ZNF57: variants seen among roughly 807,000 people sequenced by gnomAD.
ZNF57 encodes the protein zinc finger protein 424.
In ZNF57, 11 loss-of-function variants were observed where a neutral mutation model predicts 13.4. The ratio of observed to expected loss-of-function variants is 0.82; its 90% CI spans 0.52 to 1.36. The LOEUF is 1.36. Ranked by LOEUF, ZNF57 falls within the 40% of genes most tolerant of loss-of-function variation. ZNF57 has a pLI of 0.00. For synonymous variants in ZNF57, 224 were observed against 238.5 expected (o/e 0.94, Z 0.56); for missense variants, 696 against 667.5 (o/e 1.04, Z -0.47).
At chr19:2,907,291 T>G (rs1156510683) in intron 1 of ZNF57, 2 of 152,092 alleles carry the variant, frequency 1.3e-5, no homozygotes, top group East Asian at 3.9e-4. Flanking sequence ...ACCAGAAATA[T>G]GAACAAAGTG....
chr19:2,903,579 C>T (rs1055286891), intron 1 of ZNF57, among the ~76,000 whole-genome samples: 1 of 152,124 alleles, frequency 6.6e-6, no homozygotes, highest in Non-Finnish European at 1.5e-5. Context: ...GGCCTCTCTT[C>T]AACACCTGTG....
chr19:2,909,275 A>ATT (rs1258331033), intron 1 of ZNF57, among the ~76,000 whole-genome samples: 1 of 103,788 alleles, frequency 9.6e-6, no homozygotes, highest in African/African-American at 3.4e-5. Context: ...TATTTTATTT[A>ATT]TTTTTGTTTT....
At chr19:2,906,731 G>A (rs947205424) in intron 1 of ZNF57, among the ~76,000 whole-genome samples, 2 of 152,154 alleles carry the variant, frequency 1.3e-5, no homozygotes, top group Admixed American at 1.3e-4. Flanking sequence ...TGTTGTGTGC[G>A]CACAAGACTG....
chr19:2,903,629 A>T (rs1407316000), intron 1 of ZNF57, among the ~76,000 whole-genome samples: 1 of 151,948 alleles, frequency 6.6e-6, no homozygotes, highest in African/African-American at 2.4e-5. Flanking sequence ...CCCCCAGGGT[A>T]ACCACTGTCC....
At chr19:2,902,147 A>G (rs922831352) in intron 1 of ZNF57, among the ~76,000 whole-genome samples, 1 of 138,004 alleles carries the variant, frequency 7.2e-6, no homozygotes, top group Admixed American at 7.6e-5. Flanking sequence ...CGGCCAGCTC[A>G]GAGAACCTTA....
intron 1 of ZNF57, among the ~76,000 whole-genome samples, chr19:2,905,463 C>G (rs938621491): frequency 6.9e-6 from 1 of 144,142 alleles, no homozygotes; most frequent in Non-Finnish European, 1.5e-5. Context: ...GCCACTGCAC[C>G]TGGCCCTCCT....
intron 1 of ZNF57, among the ~76,000 whole-genome samples, chr19:2,908,392 C>A (rs1400338593): frequency 6.6e-6 from 1 of 151,304 alleles, no homozygotes; most frequent in Non-Finnish European, 1.5e-5. Context: ...TTTTAAAAAC[C>A]AGCTTTACTG....
chr19:2,911,797 C>A (rs1340725078), intron 1 of ZNF57, among the ~76,000 whole-genome samples: 1 of 152,178 alleles, frequency 6.6e-6, no homozygotes, highest in Non-Finnish European at 1.5e-5. Flanking sequence ...CTTTTCAAAT[C>A]TCTCCCATGG....
Position 2,918,115 on chromosome 19 carries a change from C to A in ZNF57, c.1494C>A (p.His498Gln). Residue 498 changes from histidine (H) to glutamine (Q), a missense_variant, in exon 4 of 4, where the codon CAC becomes CAA. Physicochemically the swap from His to Gln is conservative, Grantham distance 24. Around this residue, in one of 3 missense-constraint regions of ZNF57, gnomAD observed 645 missense variants for 591.5 expected, o/e 1.09. Transcript: ENST00000306908. ...CCTTACATAATCATGTGAGGATGCA[C>A]ACTGGAGAGAAACCTCACAAATGTA... ...SSTLHNHVRMHTGEKPHKCKQ... is the reference protein window; with the variant it reads ...SSTLHNHVRMQTGEKPHKCKQ... The A allele has an allele frequency of 6.2e-7, 1 of 1,614,212 alleles. No individual in the cohort carries two copies. The highest frequency in any genetic ancestry group is 8.5e-7 in the Non-Finnish European group (1 of 1,180,040).
At position 2,917,893 on chromosome 19, in the gene ZNF57, A is replaced by G. The variant is rs761340259; in HGVS notation, c.1272A>G (p.Gln424=). The G allele has an allele frequency of 6.2e-6, 10 of 1,613,828 alleles. No individual in the cohort carries two copies. The highest frequency in any genetic ancestry group is 1.3e-5 in the African/African-American group (1 of 74,974). The change falls in exon 4 of 4, where the codon CAA becomes CAG. Residue 424 remains glutamine (Q), a synonymous_variant. Coordinates refer to ENST00000306908, the MANE Select transcript of ZNF57 (RefSeq NM_173480.3). ...GAGAGAAGCCTTATGAGTGTAAACA[A>G]TGTGGAAAAACCTTCACTTGGTCCT... is the stretch of plus-strand genomic sequence containing the variant. ...HTGEKPYECK[Q]CGKTFTWSST... is the part of the protein sequence containing the mutation.
chr19:2,914,346 C>T (rs1444682324), intron 1 of ZNF57, among the ~76,000 whole-genome samples: 2 of 152,180 alleles, frequency 1.3e-5, no homozygotes, highest in South Asian at 2.1e-4. Flanking sequence ...CCTCCACCTC[C>T]TGGGTTCAAG....
Position 2,910,530 on chromosome 19 carries a change from T to G in ZNF57, c.4-4992T>G, listed in dbSNP as rs555667088. Among the ~76,000 whole-genome samples, 12 of 75,632 alleles carry G rather than the reference T, an allele frequency of 1.6e-4. 1 individual carries two copies. Among genetic ancestry groups the G allele is most frequent in the South Asian group, 5.7e-4 (1 of 1,766 alleles). 49.6% of individuals were successfully genotyped at this position (75,632 alleles called of 152,430 possible). ...GGCTGGAGTGCAGTGGCGCGATCTC[T>G]GCTCACTGCAAGCGCCGCCTCCTGG... On this transcript the variant is annotated intron_variant, in intron 1 of 3. Coordinates refer to ENST00000306908, the MANE Select transcript of ZNF57 (RefSeq NM_173480.3).
Position 2,910,836 on chromosome 19 carries a change from C to T in ZNF57, c.4-4686C>T, listed in dbSNP as rs1398957497. ...GTCTCCATCTCCTGACGTCGTGATC[C>T]GCCCGCCTCGGCCTCCGGAAGTGCT... On this transcript the variant is annotated intron_variant, in intron 1 of 3. Transcript: ENST00000306908. 4.9e-5 allele frequency among the ~76,000 whole-genome samples: 7 copies of T among 141,574 alleles called. 1 individual carries two copies. Among genetic ancestry groups the T allele is most frequent in the African/African-American group, 1.6e-4 (6 of 37,842 alleles). 92.9% of individuals were successfully genotyped at this position (141,574 alleles called of 152,430 possible).
rs1363819589 is a variant in ZNF57 at position 2,903,696 on chromosome 19, GTTTTAAT to G, written c.3+2652_3+2658del. Among the ~76,000 whole-genome samples, 3 of 143,688 alleles carry G rather than the reference GTTTTAAT, an allele frequency of 2.1e-5. No individual in the cohort carries two copies. In the East Asian group the frequency reaches 6.2e-4, roughly 30 times the overall value. The allele number at this position is 143,688 out of a possible 152,430, so 94.3% of individuals were successfully genotyped here. ...CATTTATTATTTATCACCATACAGA[GTTTTAAT>G]TTTGCCTCCTTTGAATTTTTTTTTT... On this transcript the variant is annotated intron_variant, in intron 1 of 3. Coordinates refer to ENST00000306908, the MANE Select transcript of ZNF57 (RefSeq NM_173480.3).
intron 1 of ZNF57, among the ~76,000 whole-genome samples, chr19:2,905,622 G>A (rs986024850): frequency 2.7e-4 from 41 of 151,746 alleles, no homozygotes; most frequent in African/African-American, 8.5e-4. Flanking sequence ...AAAATTAGCC[G>A]GGTGTGGTGG....
intron 1 of ZNF57, among the ~76,000 whole-genome samples, chr19:2,906,130 T>G (rs1310441856): frequency 6.6e-6 from 1 of 152,212 alleles, no homozygotes; most frequent in African/African-American, 2.4e-5. Flanking sequence ...CATGGCTCAC[T>G]GCAGCCTCAA....
At chr19:2,902,891 C>T (rs960710111) in intron 1 of ZNF57, among the ~76,000 whole-genome samples, 2 of 152,142 alleles carry the variant, frequency 1.3e-5, no homozygotes, top group Non-Finnish European at 2.9e-5. Context: ...TCTCACTCTA[C>T]GGGATGAGGG....
At chr19:2,906,634 CG>C (rs1166987215) in intron 1 of ZNF57, among the ~76,000 whole-genome samples, 9 of 152,188 alleles carry the variant, frequency 5.9e-5, no homozygotes, top group Non-Finnish European at 1.2e-4. Context: ...TCATCTGCTG[CG>C]TGGCTACCAG....
Position 2,918,209 on chromosome 19 carries a change from A to G in ZNF57, c.1588A>G (p.Lys530Glu). 1 of 1,614,192 alleles carries G rather than the reference A, an allele frequency of 6.2e-7. No individual in the cohort carries two copies. The change falls in exon 4 of 4, where the codon AAA becomes GAA. Residue 530 changes from lysine (K) to glutamate (E), a missense_variant. Physicochemically the swap from Lys to Glu is moderately conservative, Grantham distance 56. This residue lies in a region of ZNF57 where 645 missense variants were observed against 591.5 expected (regional missense o/e 1.09). Transcript: ENST00000306908. ...CCATCTGAGGATGCACACAGGACAG[A>G]AATCCCACGAATGTCAGTCATACTC... is the stretch of plus-strand genomic sequence containing the variant. ...RNHLRMHTGQ[K>E]SHECQSYSKA...
Sources: gnomAD v4.1 joint callset for allele counts (sites outside exome capture counted in the v4.1 genomes callset) on GRCh38, gnomAD v4.1.1 for gene constraint, gnomAD v4.1.1 regional missense constraint, MANE v1.5 for transcripts, NCBI Gene and HGNC (gene_info 2026-07-23, HGNC 2026-07-21) for gene names.